The following ATM variants were observed in gnomAD, a reference collection of about 807,000 sequenced individuals.
ATM encodes serine-protein kinase ATM.
In ATM, 308 loss-of-function variants were observed where a neutral mutation model predicts 387.0. The ratio of observed to expected loss-of-function variants is 0.80; its 90% CI spans 0.73 to 0.87. The LOEUF (loss-of-function observed/expected upper bound fraction) is 0.87, where lower values mean the gene tolerates loss of function less well. Among genes scored for constraint, ATM ranks in the 40% least tolerant of loss-of-function variants. The pLI is 0.00. For synonymous variants in ATM, 1,156 were observed against 1,187.3 expected, an observed-to-expected ratio of 0.97 and a Z score of 0.54; for missense variants, 3,312 against 3,560.9, an observed-to-expected ratio of 0.93 and a Z score of 1.78.
chr11:108,291,096 TGTG>T (rs1322378725), intron 29 of ATM, among the ~76,000 whole-genome samples: 2 of 151,842 alleles, frequency 1.3e-5, no homozygotes, highest in African/African-American at 4.8e-5. Flanking sequence ...ATTAGCCAGG[TGTG>T]GTGGCAGGTG....
intron 58 of ATM, 29 bp downstream of exon 58, chr11:108,345,937 A>G: frequency 6.2e-7 from 1 of 1,611,902 alleles, no homozygotes; most frequent in Non-Finnish European, 8.5e-7. Flanking sequence ...TAGTAGATTG[A>G]GCACTTTGTT....
Position 108,366,461 on chromosome 11 carries a change from G to T in ATM, c.*953G>T. On this transcript the variant is annotated 3_prime_UTR_variant, in exon 63 of 63. Coordinates refer to ENST00000675843, the MANE Select transcript of ATM (RefSeq NM_000051.4). ...TCTGTACTTGATAGACACTGTAATA[G>T]TTCTATTAAATTTAGTTCCTGCTGT... 1 of 222,666 alleles carries T rather than the reference G, an allele frequency of 4.5e-6. No individual in the cohort carries two copies. Among genetic ancestry groups the T allele is most frequent in the Non-Finnish European group, 9.0e-6 (1 of 111,624 alleles). The allele number at this position is 222,666 out of a possible 1,614,324, so 13.8% of individuals were successfully genotyped here. A position where few individuals can be genotyped will look rare whatever the true frequency, so the allele number is the denominator to read the frequency against.
chr11:108,266,344 A>T (rs946841643), intron 16 of ATM, among the ~76,000 whole-genome samples: 2 of 152,016 alleles, frequency 1.3e-5, no homozygotes, highest in Non-Finnish European at 2.9e-5. Context: ...AGGGACATGG[A>T]TGAAATTGGA....
intron 45 of ATM, among the ~76,000 whole-genome samples, chr11:108,321,809 A>G (rs2085254967): frequency 6.6e-6 from 1 of 151,956 alleles, no homozygotes; most frequent in Admixed American, 6.6e-5. Flanking sequence ...AACTATGTAG[A>G]GACCAAATGT....
chr11:108,296,613 T>C (rs1443928660), intron 32 of ATM, among the ~76,000 whole-genome samples: 3 of 152,210 alleles, frequency 2.0e-5, no homozygotes, highest in Non-Finnish European at 4.4e-5. Context: ...AATTTTAGTT[T>C]TGACTATCTG....
At position 108,293,311 on chromosome 11, in the gene ATM, A is replaced by C. The variant is rs1555100347; in HGVS notation, c.4612-2A>C. ...AATTTTTTCTTTTTAAATTATATTT[A>C]GGTATTGGACTTGTTGAAATACTTA... is the stretch of plus-strand genomic sequence containing the variant. On this transcript the variant is annotated splice_acceptor_variant, in intron 30 of 62. Coordinates refer to ENST00000675843, the MANE Select transcript of ATM (RefSeq NM_000051.4). LOFTEE classifies it high-confidence loss of function. 6.7e-7 allele frequency: 1 copy of C among 1,489,448 alleles called. No individual in the cohort carries two copies. Among genetic ancestry groups the C allele is most frequent in the Non-Finnish European group, 9.2e-7 (1 of 1,089,980 alleles). The allele number at this position is 1,489,448 out of a possible 1,614,324, so 92.3% of individuals were successfully genotyped here.
At chr11:108,267,127 C>T (rs1198339823) in intron 16 of ATM, 44 bp from the exon 17 acceptor site, 3 of 1,598,858 alleles carry the variant, frequency 1.9e-6, no homozygotes, top group East Asian at 4.5e-5. Flanking sequence ...CAGCATGCTC[C>T]TGCAAGAAGC....
chr11:108,346,691 C>T (rs1565565921), intron 58 of ATM: 1 of 155,130 alleles, frequency 6.4e-6, no homozygotes, highest in Non-Finnish European at 1.4e-5. Flanking sequence ...GCAAGCCAGA[C>T]ACCCAGTCAT....
chr11:108,297,360 C>T lies in ATM; in HGVS notation c.4983C>T (p.His1661=), dbSNP rs2083180642. ...AGTTATCCAAGATGGCAATAAACCA[C>T]ACTGGTGAAAAAGAAGTTCTAGGTA... ...LLQLSKMAIN[H]TGEKEVLEAV... is the part of the protein sequence containing the mutation. The change falls in exon 33 of 63, where the codon CAC becomes CAT. Residue 1661 remains histidine (H), a synonymous_variant. Transcript: ENST00000675843. The T allele has an allele frequency of 6.2e-7, 1 of 1,613,946 alleles. No individual in the cohort carries two copies.
chr11:108,351,758 T>C (rs2089227921), intron 59 of ATM, among the ~76,000 whole-genome samples: 1 of 152,248 alleles, frequency 6.6e-6, no homozygotes, highest in Non-Finnish European at 1.5e-5. Context: ...CACATAGTCA[T>C]GTCATAGGGT....
At chr11:108,263,028 A>C (rs976474374) in intron 16 of ATM, among the ~76,000 whole-genome samples, 1 of 152,178 alleles carries the variant, frequency 6.6e-6, no homozygotes, top group Non-Finnish European at 1.5e-5. Context: ...CCCACACATT[A>C]ATAATGGGAG....
chr11:108,259,349 C>T (rs1392556727), intron 16 of ATM, among the ~76,000 whole-genome samples: 3 of 152,050 alleles, frequency 2.0e-5, no homozygotes, highest in Admixed American at 6.6e-5. Context: ...ATTAGCCAGG[C>T]GTGGTGACAT....
intron 16 of ATM, among the ~76,000 whole-genome samples, chr11:108,266,705 A>G (rs1318082852): frequency 1.3e-5 from 2 of 151,624 alleles, no homozygotes; most frequent in African/African-American, 4.9e-5. Flanking sequence ...TTATATATCC[A>G]TTTTACTATT....
In ATM at chr11:108,244,073, A is replaced by C; in HGVS notation, c.617A>C (p.Asn206Thr). The C allele has an allele frequency of 6.2e-7, 1 of 1,613,884 alleles. No individual in the cohort carries two copies. Among genetic ancestry groups the C allele is most frequent in the Non-Finnish European group, 8.5e-7 (1 of 1,179,910 alleles). Residue 206 changes from asparagine to threonine, a missense_variant, in exon 6 of 63, where the codon AAT becomes ACT. Around this residue, in one of 4 missense-constraint regions of ATM, gnomAD observed 1,791 missense variants for 1,804.5 expected, o/e 0.99. Transcript: ENST00000675843. ...KGCCSQTDGL[N>T]SKFLDFFSKA... ...TGCTGTTCTCAGACTGACGGATTAAATTCCAAATTTTTGGACTTTTTTTCC... is the reference window on the plus strand; with the variant it reads ...TGCTGTTCTCAGACTGACGGATTAACTTCCAAATTTTTGGACTTTTTTTCC...
intron 40 of ATM, among the ~76,000 whole-genome samples, chr11:108,312,706 C>T (rs1055964630): frequency 6.6e-6 from 1 of 152,078 alleles, no homozygotes; most frequent in Non-Finnish European, 1.5e-5. Flanking sequence ...TTCTTGAGTT[C>T]CTTATCTGAA....
intron 56 of ATM, among the ~76,000 whole-genome samples, chr11:108,341,925 C>T (rs1043382103): frequency 1.3e-5 from 2 of 152,056 alleles, no homozygotes; most frequent in Non-Finnish European, 2.9e-5. Context: ...TCTGGTTAAC[C>T]GAGGTGAAGA....
rs546066915 is a variant in ATM, at chr11:108,365,610, G to A, written c.*102G>A. 1.2e-4 allele frequency: 162 copies of A among 1,372,114 alleles called. No homozygotes were observed. The South Asian group carries it at 2.0e-3, about 17-fold the overall frequency. 85.0% of individuals were successfully genotyped at this position (1,372,114 alleles called of 1,614,324 possible). A position where few individuals can be genotyped will look rare whatever the true frequency, so the allele number is the denominator to read the frequency against. ...ACTTTAAGTAGGGATTAATATTTAA[G>A]TGAACTATTGTGGGTTTTTTTGAAT... On this transcript the variant is annotated 3_prime_UTR_variant, in exon 63 of 63. Transcript: ENST00000675843.
intron 53 of ATM, among the ~76,000 whole-genome samples, chr11:108,333,321 AATT>A (rs1433186061): frequency 1.3e-5 from 2 of 152,216 alleles, no homozygotes; most frequent in Non-Finnish European, 2.9e-5. Context: ...GCCATTATTT[AATT>A]ATTATTCTTG....
intron 7 of ATM, among the ~76,000 whole-genome samples, chr11:108,245,734 C>A (rs951010570): frequency 1.3e-5 from 2 of 151,820 alleles, no homozygotes; most frequent in Non-Finnish European, 2.9e-5. Context: ...TTTGGACCAA[C>A]TCATCATGGC....
Sources: allele counts gnomAD v4.1 joint callset (sites outside exome capture counted in the v4.1 genomes callset), GRCh38; gene constraint gnomAD v4.1.1; regional missense constraint gnomAD v4.1.1; transcripts MANE v1.5; gene names NCBI Gene and HGNC (gene_info 2026-07-23, HGNC 2026-07-21).